The following EDRF1 variants were observed in gnomAD, a reference collection of about 807,000 sequenced individuals.
EDRF1 encodes the protein erythroid differentiation-related factor 1.
A neutral mutation model predicts 148.7 loss-of-function variants in EDRF1; 69 were observed. The ratio of observed to expected loss-of-function variants is 0.46; its 90% confidence interval spans 0.38 to 0.57. The LOEUF (loss-of-function observed/expected upper bound fraction) is 0.57, where lower values mean the gene tolerates loss of function less well. EDRF1 is among the 20% of genes least tolerant of loss of function. EDRF1 has a pLI of 0.00. For synonymous variants in EDRF1, 515 were observed against 532.8 expected, an observed-to-expected ratio of 0.97 and a Z score of 0.46; for missense variants, 1,118 against 1,478.7, an observed-to-expected ratio of 0.76 and a Z score of 4.00.
intron 24 of EDRF1, among the ~76,000 whole-genome samples, chr10:125,754,407 T>C (rs1849792493): frequency 1.3e-5 from 2 of 152,242 alleles, no homozygotes; most frequent in Non-Finnish European, 2.9e-5. Flanking sequence ...AATACTCTGT[T>C]GTTAACGTTT....
intron 22 of EDRF1, among the ~76,000 whole-genome samples, chr10:125,750,185 A>G (rs1194418233): frequency 1.3e-5 from 2 of 152,146 alleles, no homozygotes; most frequent in Non-Finnish European, 2.9e-5. Context: ...TCGGCATGAA[A>G]AATTTGGGAA....
Position 125,721,243 on chromosome 10 carries a change from C to G in EDRF1, c.148C>G (p.Arg50Gly). 1 of 1,614,098 alleles carries G rather than the reference C, an allele frequency of 6.2e-7. No individual in the cohort carries two copies. Among genetic ancestry groups the G allele is most frequent in the Non-Finnish European group, 8.5e-7 (1 of 1,180,034 alleles). Reference sequence around the variant, plus strand: ...TCTTGGAGGCAATGAAGTGAAGAGCCGAGCTGTGGTGAAATACTCTTCTGC... The same window carrying G: ...TCTTGGAGGCAATGAAGTGAAGAGCGGAGCTGTGGTGAAATACTCTTCTGC... ...LFLGGNEVKS[R>G]AVVKYSSAPP... The change falls in exon 2 of 25, where the codon CGA (arginine) becomes GGA (glycine). Residue 50 changes from arginine to glycine, a missense_variant. Arg to Gly is a moderately radical substitution (Grantham distance 125). Transcript: ENST00000356792.
intron 24 of EDRF1, among the ~76,000 whole-genome samples, chr10:125,761,065 T>G (rs897922442): frequency 1.3e-5 from 2 of 152,234 alleles, no homozygotes; most frequent in Non-Finnish European, 2.9e-5. Context: ...GTTAAACAAA[T>G]TTTTGTTTTA....
chr10:125,753,704 G>A lies in EDRF1; in HGVS notation c.3404G>A (p.Gly1135Asp). 6.2e-7 allele frequency: 1 copy of A among 1,614,052 alleles called. No homozygotes were observed. The highest frequency in any genetic ancestry group is 8.5e-7 in the Non-Finnish European group (1 of 1,180,014). ...LIEEFGQPKS[G>D]DAAAAADASP... ...TTTTGTTGTTTTTAGCCTAAGAGTGGTGACGCCGCTGCAGCTGCTGATGCT... is the reference window on the plus strand; with the variant it reads ...TTTTGTTGTTTTTAGCCTAAGAGTGATGACGCCGCTGCAGCTGCTGATGCT... Residue 1135 changes from glycine (G) to aspartate (D), a missense_variant, in exon 24 of 25, where the codon GGT becomes GAT. Coordinates refer to ENST00000356792, the MANE Select transcript of EDRF1 (RefSeq NM_001202438.2).
intron 24 of EDRF1, among the ~76,000 whole-genome samples, chr10:125,754,858 C>T (rs1490873230): frequency 6.6e-6 from 1 of 152,030 alleles, no homozygotes; most frequent in Non-Finnish European, 1.5e-5. Context: ...TATATTTTAC[C>T]GATGTATAAT....
At chr10:125,728,807 C>T (rs972968954) in intron 6 of EDRF1, among the ~76,000 whole-genome samples, 196 bp from the exon 7 acceptor site, 2 of 152,140 alleles carry the variant, frequency 1.3e-5, no homozygotes, top group Admixed American at 6.5e-5. Context: ...AAATGTGATT[C>T]GCTTCTTATA....
chr10:125,719,980 G>C, intron 1 of EDRF1, 65 bp downstream of exon 1: 1 of 1,437,976 alleles, frequency 7.0e-7, no homozygotes, highest in Non-Finnish European at 9.7e-7. Flanking sequence ...CCACCGGGGA[G>C]GGATGCCACG....
Position 125,742,650 on chromosome 10 carries a change from C to T in EDRF1, c.2372-408C>T, listed in dbSNP as rs11244627. The T allele has an allele frequency of 2.9e-4, 283 of 985,256 alleles. 4 individuals are homozygous for T. In the South Asian group the frequency reaches 0.012, roughly 41 times the overall value. 61.0% of individuals were successfully genotyped at this position (985,256 alleles called of 1,614,324 possible). A position where few individuals can be genotyped will look rare whatever the true frequency, so the allele number is the denominator to read the frequency against. ...CCCACTAGATGGCATTTTTAATCTT[C>T]GAGGGCTTCTGTAGCAGCCTCTTCA... is the stretch of plus-strand genomic sequence containing the variant. On this transcript the variant is annotated intron_variant, in intron 17 of 24. Transcript: ENST00000356792.
chr10:125,751,420 T>G (rs895504642), intron 22 of EDRF1, among the ~76,000 whole-genome samples: 8 of 151,928 alleles, frequency 5.3e-5, no homozygotes, highest in African/African-American at 9.7e-5. Flanking sequence ...TTTTTTGTTT[T>G]TTTTTTCTAG....
Position 125,753,552 on chromosome 10 carries a change from T to TCACA in EDRF1, c.3394-140_3394-139insCACA, listed in dbSNP as rs1435511298. On this transcript the variant is annotated intron_variant, in intron 23 of 24. Coordinates refer to ENST00000356792, the MANE Select transcript of EDRF1 (RefSeq NM_001202438.2). ...TATGTGTTTTAGTCTATCAAAATGA[T>TCACA]CATAGGTGTGCTTTTTGTTTGTTTG... 4.6e-6 allele frequency: 4 copies of TCACA among 877,496 alleles called. No homozygotes were observed. The East Asian group carries it at 1.0e-4, about 22-fold the overall frequency. 54.4% of individuals were successfully genotyped at this position (877,496 alleles called of 1,614,324 possible).
intron 23 of EDRF1, 150 bp from the exon 24 acceptor site, chr10:125,753,544 C>T: frequency 1.2e-6 from 1 of 829,774 alleles, no homozygotes; most frequent in South Asian, 1.5e-5. Context: ...TTTAGTCTAT[C>T]AAAATGATCA....
At chr10:125,730,482 G>A (rs1366128481) in intron 9 of EDRF1, 83 bp downstream of exon 9, 2 of 1,074,480 alleles carry the variant, frequency 1.9e-6, no homozygotes, top group Non-Finnish European at 2.9e-6. Flanking sequence ...CGGCCCTGAA[G>A]TACTAAGGTG....
At position 125,721,280 on chromosome 10, in the gene EDRF1, C is replaced by T; in HGVS notation, c.185C>T (p.Thr62Ile). The T allele has an allele frequency of 6.2e-7, 1 of 1,614,232 alleles. No homozygotes were observed. The highest frequency in any genetic ancestry group is 1.7e-5 in the Admixed American group (1 of 60,034). Residue 62 changes from threonine to isoleucine, a missense_variant, in exon 2 of 25, where the codon ACA (threonine) becomes ATA (isoleucine). Physicochemically the swap from Thr to Ile is moderately conservative, Grantham distance 89 (BLOSUM62 -1). Around this residue, in one of 3 missense-constraint regions of EDRF1, gnomAD observed 99 missense variants for 186.9 expected, o/e 0.53. Transcript: ENST00000356792. ...VVKYSSAPPR[T>I]AFARLEEKTD... is the part of the protein sequence containing the mutation. ...AAATACTCTTCTGCCCCTCCTCGAA[C>T]AGCATTTGCACGCCTTGAAGAGAAA...
chr10:125,720,060 G>A (rs141217167), intron 1 of EDRF1, 145 bp downstream of exon 1: 119 of 670,812 alleles, frequency 1.8e-4, no homozygotes, highest in Non-Finnish European at 2.8e-4. Flanking sequence ...TGAAGTCCAT[G>A]CTCCAGTCGG....
chr10:125,720,717 A>T (rs1217061546), intron 1 of EDRF1, among the ~76,000 whole-genome samples: 2 of 151,786 alleles, frequency 1.3e-5, no homozygotes, highest in African/African-American at 2.4e-5. Flanking sequence ...AGGCTGAGGC[A>T]GGAGAATGGC....
rs1163175880 is a variant in EDRF1 at position 125,749,530 on chromosome 10, TAG to T, written c.3249_3250del (p.Arg1083SerfsTer5). On this transcript the variant is annotated frameshift_variant, in exon 22 of 25. Transcript: ENST00000356792. LOFTEE classifies it high-confidence loss of function. ...CCCTGCGAACTGCTTAGAGTACAGCTAGAGAGAGTAGCATTTGCTGAATTTCA... is the reference window on the plus strand; with the variant it reads ...CCCTGCGAACTGCTTAGAGTACAGCTAGAGAGTAGCATTTGCTGAATTTCA... The T allele has an allele frequency of 8.7e-6, 14 of 1,614,036 alleles. No homozygotes were observed. Among genetic ancestry groups the T allele is most frequent in the Non-Finnish European group, 1.2e-5 (14 of 1,180,032 alleles).
chr10:125,721,076 CT>C, intron 1 of EDRF1, 127 bp from the exon 2 acceptor site: 1 of 849,364 alleles, frequency 1.2e-6, no homozygotes, highest in Non-Finnish European at 2.0e-6. Flanking sequence ...TTATTAAGTG[CT>C]GTTAGTAACA....
At position 125,741,205 on chromosome 10, in the gene EDRF1, T is replaced by C. The variant is rs1589845997; in HGVS notation, c.2371+4T>C. The stretch of plus-strand genomic sequence containing the variant: ...CACAGAGAGTCCAGTTGCCAAGGTG[T>C]GCCACAGGCTTGGACCACGTGGTTC... On this transcript the variant is annotated splice_donor_region_variant and intron_variant, in intron 17 of 24. Coordinates refer to ENST00000356792, the MANE Select transcript of EDRF1 (RefSeq NM_001202438.2). 1.2e-6 allele frequency: 2 copies of C among 1,614,034 alleles called. No individual in the cohort carries two copies. The highest frequency in any genetic ancestry group is 4.5e-5 in the East Asian group (2 of 44,882).
intron 13 of EDRF1, 29 bp from the exon 14 acceptor site, chr10:125,737,889 T>G: frequency 6.2e-7 from 1 of 1,601,862 alleles, no homozygotes; most frequent in Non-Finnish European, 8.6e-7. Flanking sequence ...ATTGGTAGTG[T>G]ATTAATAATT....
Sources: gnomAD v4.1 joint callset for allele counts (sites outside exome capture counted in the v4.1 genomes callset) on GRCh38, gnomAD v4.1.1 for gene constraint, gnomAD v4.1.1 regional missense constraint, MANE v1.5 for transcripts, NCBI Gene and HGNC (gene_info 2026-07-23, HGNC 2026-07-21) for gene names.